DOK5: variants seen among roughly 807,000 people sequenced by gnomAD.
DOK5 encodes downstream of tyrosine kinase 5.
DOK5 carries 27 observed loss-of-function variants against 43.3 expected under a neutral mutation model. The ratio of observed to expected loss-of-function variants is 0.62; its 90% CI spans 0.46 to 0.86. DOK5 has a LOEUF of 0.86. DOK5 is among the 40% of genes least tolerant of loss of function. The pLI, the probability that DOK5 is intolerant of heterozygous loss-of-function variation, is 0.00. For missense variants in DOK5, 373 were observed against 392.9 expected, an observed-to-expected ratio of 0.95 and a Z score of 0.43; for synonymous variants, 146 against 140.1, an observed-to-expected ratio of 1.04 and a Z score of -0.30.
intron 1 of DOK5, among the ~76,000 whole-genome samples, chr20:54,522,425 T>C (rs770756741): frequency 5.3e-5 from 8 of 152,032 alleles, no homozygotes; most frequent in Non-Finnish European, 1.0e-4. Context: ...AGGAAGACCA[T>C]AGGTAGAGGC....
intron 6 of DOK5, among the ~76,000 whole-genome samples, chr20:54,628,685 G>C (rs950323990): frequency 6.6e-6 from 1 of 152,196 alleles, no homozygotes; most frequent in Admixed American, 6.5e-5. Context: ...TACGCAGTTT[G>C]TATCGATTAA....
At chr20:54,632,165 T>C (rs1978603560) in intron 6 of DOK5, among the ~76,000 whole-genome samples, 1 of 152,214 alleles carries the variant, frequency 6.6e-6, no homozygotes, top group Non-Finnish European at 1.5e-5. Context: ...TTTTTCTTGT[T>C]CCTGCAATGG....
At chr20:54,561,817 C>T (rs1007481905) in intron 2 of DOK5, among the ~76,000 whole-genome samples, 17 of 152,146 alleles carry the variant, frequency 1.1e-4, no homozygotes, top group African/African-American at 1.7e-4. Context: ...CCACCAAGTC[C>T]GGCTAATTTT....
At chr20:54,567,121 A>G (rs1030342592) in intron 2 of DOK5, among the ~76,000 whole-genome samples, 1 of 151,958 alleles carries the variant, frequency 6.6e-6, no homozygotes, top group African/African-American at 2.4e-5. Context: ...ATGTTCTCCC[A>G]GTGCATAGAT....
chr20:54,590,020 G>A (rs1017195703), intron 4 of DOK5, among the ~76,000 whole-genome samples: 6 of 152,156 alleles, frequency 3.9e-5, no homozygotes, highest in African/African-American at 7.2e-5. Context: ...ATACCTAGGA[G>A]CCAAGCATAA....
At chr20:54,632,650 AC>A (rs1271735962) in intron 6 of DOK5, among the ~76,000 whole-genome samples, 5 of 152,236 alleles carry the variant, frequency 3.3e-5, no homozygotes, top group African/African-American at 4.8e-5. Flanking sequence ...TGTGACTTTC[AC>A]GTGGGCTCTT....
intron 1 of DOK5, among the ~76,000 whole-genome samples, chr20:54,492,839 AG>A (rs1192833292): frequency 1.3e-5 from 2 of 151,928 alleles, no homozygotes; most frequent in East Asian, 3.9e-4. Context: ...GGATCACTTG[AG>A]GTCAGGAGTT....
At chr20:54,529,550 A>C (rs1983693001) in intron 1 of DOK5, among the ~76,000 whole-genome samples, 1 of 152,212 alleles carries the variant, frequency 6.6e-6, no homozygotes, top group African/African-American at 2.4e-5. Context: ...TTTAAAAAAA[A>C]AAACAGCATT....
intron 1 of DOK5, among the ~76,000 whole-genome samples, chr20:54,494,073 T>C (rs918531128): frequency 2.0e-5 from 3 of 152,272 alleles, no homozygotes; most frequent in African/African-American, 7.2e-5. Flanking sequence ...TTGATGATTT[T>C]AGCCTCACTA....
intron 6 of DOK5, among the ~76,000 whole-genome samples, chr20:54,629,414 G>A (rs1470872933): frequency 6.6e-6 from 1 of 152,126 alleles, no homozygotes; most frequent in African/African-American, 2.4e-5. Context: ...TATAAACAGT[G>A]CAAAAGAACA....
rs150369842 is a variant in DOK5, at chr20:54,626,231, G to A, written c.735+15708G>A. ...GGGAATGAATGAGCCGAAGAACACCGAGTGCAGAATTCATCGAAAGGGGTG... is the reference window on the plus strand; with the variant it reads ...GGGAATGAATGAGCCGAAGAACACCAAGTGCAGAATTCATCGAAAGGGGTG... On this transcript the variant is annotated intron_variant, in intron 6 of 7. Coordinates refer to ENST00000262593, the MANE Select transcript of DOK5 (RefSeq NM_018431.5). Among the ~76,000 whole-genome samples the A allele has an allele frequency of 2.6e-5, 4 of 152,288 alleles. No homozygotes were observed. The East Asian group carries it at 7.7e-4, about 29-fold the overall frequency.
At chr20:54,579,202 A>G (rs1381109224) in intron 2 of DOK5, among the ~76,000 whole-genome samples, 5 of 152,242 alleles carry the variant, frequency 3.3e-5, no homozygotes, top group Non-Finnish European at 5.9e-5. Flanking sequence ...TAAATTTACA[A>G]TAAGAGAAAA....
At chr20:54,631,157 T>C (rs1296413169) in intron 6 of DOK5, among the ~76,000 whole-genome samples, 1 of 152,214 alleles carries the variant, frequency 6.6e-6, no homozygotes, top group African/African-American at 2.4e-5. Flanking sequence ...GGCATGAGAA[T>C]ACGTACGCTA....
intron 6 of DOK5, among the ~76,000 whole-genome samples, chr20:54,638,071 G>C (rs62214454): frequency 1.3e-5 from 2 of 149,156 alleles, no homozygotes; most frequent in Admixed American, 6.7e-5. Context: ...GCAGTGAGCC[G>C]AGATCATGTC....
At chr20:54,574,227 A>G (rs1438981155) in intron 2 of DOK5, among the ~76,000 whole-genome samples, 1 of 152,072 alleles carries the variant, frequency 6.6e-6, no homozygotes, top group Admixed American at 6.6e-5. Flanking sequence ...GCAGAGCATC[A>G]CCCATATCCC....
intron 6 of DOK5, among the ~76,000 whole-genome samples, chr20:54,617,912 T>C (rs969974454): frequency 2.0e-5 from 3 of 152,240 alleles, no homozygotes; most frequent in African/African-American, 4.8e-5. Context: ...TCCTACAATA[T>C]AGCAGATACT....
chr20:54,603,514 A>G (rs1332456930), intron 5 of DOK5, among the ~76,000 whole-genome samples: 1 of 152,214 alleles, frequency 6.6e-6, no homozygotes, highest in Non-Finnish European at 1.5e-5. Context: ...CCAGGTATTC[A>G]TTACCTGGGT....
At chr20:54,590,852 CTT>C (rs773042737) in intron 4 of DOK5, among the ~76,000 whole-genome samples, 44 of 152,122 alleles carry the variant, frequency 2.9e-4, no homozygotes, top group Non-Finnish European at 5.7e-4. Flanking sequence ...CACTGAAAGA[CTT>C]TGACTCAAAA....
intron 1 of DOK5, among the ~76,000 whole-genome samples, chr20:54,526,476 A>T (rs1356398942): frequency 1.3e-5 from 2 of 152,236 alleles, no homozygotes; most frequent in Admixed American, 6.5e-5. Context: ...GACAAGTCTG[A>T]TGTTAAAGAA....
Sources: allele counts gnomAD v4.1 joint callset (sites outside exome capture counted in the v4.1 genomes callset), GRCh38; gene constraint gnomAD v4.1.1; transcripts MANE v1.5; gene names NCBI Gene and HGNC (gene_info 2026-07-23, HGNC 2026-07-21).